The following MAGI1 variants were observed in gnomAD, a reference collection of about 807,000 sequenced individuals.
MAGI1 encodes the protein membrane-associated guanylate kinase, WW and PDZ domain-containing protein 1.
A neutral mutation model predicts 139.9 loss-of-function variants in MAGI1; 58 were observed. That is an observed-to-expected ratio of 0.41 (90% CI 0.34 to 0.52). MAGI1 has a LOEUF of 0.52. MAGI1 is among the 20% of genes least tolerant of loss of function. The pLI is 0.12. For missense variants in MAGI1, 1,874 were observed against 1,901.6 expected (o/e 0.99, Z 0.27); for synonymous variants, 812 against 737.9 (o/e 1.10, Z -1.63).
chr3:65,629,812 C>T lies in MAGI1; in HGVS notation c.314-7724G>A, dbSNP rs143369994. On this transcript the variant is annotated intron_variant, in intron 1 of 22. Transcript: ENST00000402939. ...CTGGAGAGTTACCCTTTAATGGGTG[C>T]GGAGTTTCACTTGTGGATGCTGAAA... Among the ~76,000 whole-genome samples, 285 of 151,992 alleles carry T rather than the reference C, an allele frequency of 1.9e-3. 1 individual carries two copies. Among genetic ancestry groups the T allele is most frequent in the African/African-American group, 6.6e-3 (272 of 41,422 alleles).
intron 13 of MAGI1, among the ~76,000 whole-genome samples, chr3:65,400,818 G>T (rs1249926393): frequency 1.7e-5 from 2 of 115,092 alleles, no homozygotes; most frequent in Non-Finnish European, 3.3e-5. Flanking sequence ...GCATAATGCT[G>T]CTAAAGCTGG....
At chr3:65,462,836 C>T (rs543167738) in intron 5 of MAGI1, among the ~76,000 whole-genome samples, 1 of 152,228 alleles carries the variant, frequency 6.6e-6, no homozygotes, top group East Asian at 1.9e-4. Flanking sequence ...TGCTTCACAT[C>T]CCTTGTAAGT....
chr3:65,887,947 G>A (rs1245703711), intron 1 of MAGI1, among the ~76,000 whole-genome samples: 1 of 152,042 alleles, frequency 6.6e-6, no homozygotes, highest in Non-Finnish European at 1.5e-5. Context: ...ATTAGAACCT[G>A]TATATTACAC....
intron 1 of MAGI1, among the ~76,000 whole-genome samples, chr3:65,872,004 A>T (rs1435776515): frequency 6.6e-6 from 1 of 152,148 alleles, no homozygotes; most frequent in East Asian, 1.9e-4. Context: ...ACTGGTGTCA[A>T]CTTATCAGAG....
At chr3:65,479,696 G>A (rs1951136072) in intron 3 of MAGI1, among the ~76,000 whole-genome samples, 1 of 152,010 alleles carries the variant, frequency 6.6e-6, no homozygotes, top group African/African-American at 2.4e-5. Context: ...TATATAATAA[G>A]AAATTAATCA....
chr3:65,898,149 T>C (rs1339393270), intron 1 of MAGI1, among the ~76,000 whole-genome samples: 1 of 152,226 alleles, frequency 6.6e-6, no homozygotes, highest in Non-Finnish European at 1.5e-5. Context: ...GGTTTAATGT[T>C]TTCTACAAAA....
chr3:65,909,170 C>T (rs1000075494), intron 1 of MAGI1, among the ~76,000 whole-genome samples: 1 of 152,092 alleles, frequency 6.6e-6, no homozygotes, highest in African/African-American at 2.4e-5. Flanking sequence ...ATTTTCTCTT[C>T]CCGTACTGAC....
At chr3:65,517,661 G>T (rs531415148) in intron 2 of MAGI1, among the ~76,000 whole-genome samples, 1 of 152,140 alleles carries the variant, frequency 6.6e-6, no homozygotes, top group Non-Finnish European at 1.5e-5. Flanking sequence ...TCCAACTCCC[G>T]AGTCAGTCTC....
intron 1 of MAGI1, among the ~76,000 whole-genome samples, chr3:65,831,025 T>G (rs569087413): frequency 0.015 from 2,265 of 152,238 alleles, 61 homozygotes; most frequent in African/African-American, 0.048. Flanking sequence ...TGAGCTCCAA[T>G]TGCTAAATGA....
At chr3:65,403,072 CAGAT>C (rs1945039309) in intron 12 of MAGI1, among the ~76,000 whole-genome samples, 1 of 152,188 alleles carries the variant, frequency 6.6e-6, no homozygotes, top group African/African-American at 2.4e-5. Flanking sequence ...CAGGCAAACT[CAGAT>C]AGGCATCCTT....
intron 1 of MAGI1, among the ~76,000 whole-genome samples, chr3:65,919,972 T>C (rs2062095456): frequency 6.6e-6 from 1 of 152,236 alleles, no homozygotes; most frequent in South Asian, 2.1e-4. Flanking sequence ...GAAATAAATC[T>C]AAGTGGTCAC....
At chr3:65,788,446 G>A (rs2039539199) in intron 1 of MAGI1, among the ~76,000 whole-genome samples, 1 of 152,192 alleles carries the variant, frequency 6.6e-6, no homozygotes, top group African/African-American at 2.4e-5. Context: ...CCTACATTAT[G>A]ACCACTTTCC....
chr3:65,448,086 C>CAGAAAAG lies in MAGI1; in HGVS notation c.1043-36_1043-30dup. On this transcript the variant is annotated intron_variant, in intron 6 of 22. Transcript: ENST00000402939. Reference sequence around the variant, plus strand: ...CTCCAAAGGAATAGCAGGAATGAGACAGAAAAGAGAGAAAGCAAAATTCAG... The same window carrying CAGAAAAG: ...CTCCAAAGGAATAGCAGGAATGAGACAGAAAAGAGAAAAGAGAGAAAGCAAAATTCAG... The CAGAAAAG allele has an allele frequency of 1.9e-6, 3 of 1,612,970 alleles. No individual in the cohort carries two copies. In the Middle Eastern group the frequency reaches 5.0e-4, roughly 266 times the overall value.
chr3:65,815,802 C>T (rs2041564383), intron 1 of MAGI1, among the ~76,000 whole-genome samples: 1 of 152,014 alleles, frequency 6.6e-6, no homozygotes, highest in African/African-American at 2.4e-5. Flanking sequence ...AAGGCAGGTA[C>T]CAGTGTCCAC....
At position 65,610,751 on chromosome 3, in the gene MAGI1, C is replaced by CTATATATATATATATATATAT. The variant is rs59887286; in HGVS notation, c.430+11220_430+11221insATATATATATATATATATATA. 2.8e-4 allele frequency among the ~76,000 whole-genome samples: 6 copies of CTATATATATATATATATATAT among 21,180 alleles called. 1 individual carries two copies. Among genetic ancestry groups the CTATATATATATATATATATAT allele is most frequent in the Admixed American group, 6.6e-4 (2 of 3,042 alleles). The allele number at this position is 21,180 out of a possible 152,430, so 13.9% of individuals were successfully genotyped here. A position where few individuals can be genotyped will look rare whatever the true frequency, so the allele number is the denominator to read the frequency against. On this transcript the variant is annotated intron_variant, in intron 2 of 22. Coordinates refer to ENST00000402939, the MANE Select transcript of MAGI1 (RefSeq NM_001033057.2). ...ACAAATATAGTATATAGTATATATA[C>CTATATATATATATATATATAT]AGTATATATATAGCATATATATATA...
At chr3:65,895,694 A>T (rs766128530) in intron 1 of MAGI1, among the ~76,000 whole-genome samples, 6 of 152,204 alleles carry the variant, frequency 3.9e-5, no homozygotes, top group South Asian at 2.1e-4. Flanking sequence ...AGTCATTGAG[A>T]TGATGAAGCC....
At chr3:65,893,931 C>T (rs1376124670) in intron 1 of MAGI1, 1 of 152,156 alleles carries the variant, frequency 6.6e-6, no homozygotes, top group African/African-American at 2.4e-5. Context: ...TGTTTCACCT[C>T]CCCTGGAACA....
In MAGI1 at chr3:65,656,334, G is replaced by T. The variant is rs540034424; in HGVS notation, c.314-34246C>A. ...TGTGACACTGAACTGGCAAGGGTCTGTTCCATTTGGCCTCCCGAAGGGCTT... is the reference window on the plus strand; with the variant it reads ...TGTGACACTGAACTGGCAAGGGTCTTTTCCATTTGGCCTCCCGAAGGGCTT... On this transcript the variant is annotated intron_variant, in intron 1 of 22. Coordinates refer to ENST00000402939, the MANE Select transcript of MAGI1 (RefSeq NM_001033057.2). Among the ~76,000 whole-genome samples, 7 of 152,270 alleles carry T rather than the reference G, an allele frequency of 4.6e-5. No individual in the cohort carries two copies. In the South Asian group the frequency reaches 1.5e-3, roughly 32 times the overall value.
intron 5 of MAGI1, among the ~76,000 whole-genome samples, chr3:65,462,856 G>A (rs9968240): frequency 0.55 from 82,983 of 151,894 alleles, 23,919 homozygotes; most frequent in East Asian, 0.94. Flanking sequence ...TTGTATTCCT[G>A]GGTATTTTAT....
Sources: gnomAD v4.1 joint callset for allele counts (sites outside exome capture counted in the v4.1 genomes callset) on GRCh38, gnomAD v4.1.1 for gene constraint, MANE v1.5 for transcripts, NCBI Gene and HGNC (gene_info 2026-07-23, HGNC 2026-07-21) for gene names.